IGLL5: variants seen among roughly 807,000 people sequenced by gnomAD.
IGLL5 encodes the protein immunoglobulin lambda like polypeptide 5.
In IGLL5, 30 loss-of-function variants were observed where a neutral mutation model predicts 20.9. The observed-to-expected ratio is 1.44, with a 90% CI of 1.07 to 1.95. The LOEUF is 1.95. IGLL5 is among the 30% of genes most tolerant of loss of function. The pLI, the probability that IGLL5 is intolerant of heterozygous loss-of-function variation, is 0.00. For missense variants in IGLL5, 475 were observed against 270.7 expected, an observed-to-expected ratio of 1.75 and a Z score of -5.30; for synonymous variants, 203 against 117.3, an observed-to-expected ratio of 1.73 and a Z score of -4.72.
intron 1 of IGLL5, among the ~76,000 whole-genome samples, chr22:22,889,002 G>A (rs561376207): frequency 2.0e-5 from 3 of 151,404 alleles, no homozygotes; most frequent in East Asian, 2.0e-4. Flanking sequence ...TGGGTGACTG[G>A]GAAGGGGAGG....
chr22:22,888,979 G>C, intron 1 of IGLL5, among the ~76,000 whole-genome samples: 1 of 151,444 alleles, frequency 6.6e-6, no homozygotes, highest in East Asian at 2.0e-4. Flanking sequence ...CACAGGATGA[G>C]GCTGGGAGCT....
chr22:22,888,919 C>G (rs2067664335), intron 1 of IGLL5, among the ~76,000 whole-genome samples: 5 of 151,312 alleles, frequency 3.3e-5, no homozygotes, highest in Middle Eastern at 3.7e-3. Context: ...GGGGCACTGG[C>G]TGGTGATGGG....
chr22:22,888,584 A>G (rs2067618642), intron 1 of IGLL5, among the ~76,000 whole-genome samples: 2 of 151,288 alleles, frequency 1.3e-5, no homozygotes, highest in Non-Finnish European at 2.9e-5. Flanking sequence ...GGACATCCAC[A>G]GGGGGTGGTG....
intron 1 of IGLL5, among the ~76,000 whole-genome samples, chr22:22,892,568 C>G (rs1391008348): frequency 6.6e-6 from 1 of 151,036 alleles, no homozygotes; most frequent in East Asian, 2.0e-4. Context: ...TGAAGAGTAA[C>G]TTGCTGAAGT....
chr22:22,888,666 G>A (rs770026416), intron 1 of IGLL5, among the ~76,000 whole-genome samples: 7 of 151,240 alleles, frequency 4.6e-5, no homozygotes, highest in South Asian at 2.1e-4. Context: ...CTCCTGCCCA[G>A]TGAGGGCAGG....
intron 2 of IGLL5, among the ~76,000 whole-genome samples, chr22:22,894,194 TGG>T: frequency 6.6e-6 from 1 of 151,456 alleles, no homozygotes; most frequent in East Asian, 2.0e-4. Flanking sequence ...GGGGTGGGCC[TGG>T]GAGCTGCTGA....
chr22:22,894,378 T>TGTGCTGGGTCATGGG, intron 2 of IGLL5, among the ~76,000 whole-genome samples: 1 of 151,432 alleles, frequency 6.6e-6, no homozygotes, highest in Non-Finnish European at 1.5e-5. Flanking sequence ...CTCTGTGGCC[T>TGTGCTGGGTCATGGG]GTGCTGGGTC....
intron 2 of IGLL5, among the ~76,000 whole-genome samples, chr22:22,894,546 A>G (rs569834201): frequency 6.6e-6 from 1 of 151,484 alleles, no homozygotes; most frequent in Non-Finnish European, 1.5e-5. Context: ...CTCTCTGTTC[A>G]CGGATCGGCC....
At chr22:22,888,840 A>T (rs573801604) in intron 1 of IGLL5, among the ~76,000 whole-genome samples, 2 of 151,406 alleles carry the variant, frequency 1.3e-5, no homozygotes, top group Admixed American at 1.3e-4. Flanking sequence ...CCCACGGCCC[A>T]TGTTTGGAGC....
At chr22:22,891,248 C>T (rs1385525412) in intron 1 of IGLL5, among the ~76,000 whole-genome samples, 1 of 150,378 alleles carries the variant, frequency 6.6e-6, no homozygotes, top group Non-Finnish European at 1.5e-5. Flanking sequence ...TCTTTACTTC[C>T]CCTGGAGTTT....
intron 2 of IGLL5, among the ~76,000 whole-genome samples, chr22:22,894,681 T>TG: frequency 6.6e-6 from 1 of 151,258 alleles, no homozygotes; most frequent in African/African-American, 2.4e-5. Flanking sequence ...GGGGTGGGCC[T>TG]GGGGGCTGCT....
chr22:22,893,878 TTTTCTCTCTC>T, intron 2 of IGLL5, 60 bp downstream of exon 2: 1 of 1,190,164 alleles, frequency 8.4e-7, no homozygotes, highest in Non-Finnish European at 1.3e-6. Context: ...GGAAAATCTG[TTTTCTCTCTC>T]TGGGGCTTCC....
chr22:22,895,772 T>TC lies in IGLL5; in HGVS notation c.*79dup. 7.4e-7 allele frequency: 1 copy of TC among 1,348,622 alleles called. No homozygotes were observed. The highest frequency in any genetic ancestry group is 1.4e-5 in the African/African-American group (1 of 69,612). 83.5% of individuals were successfully genotyped at this position (1,348,622 alleles called of 1,614,324 possible). ...GAGGGGTCTCTCTCCCCATCCCAAG[T>TC]CATCCAGCCCTTCTCCCTGCACTCA... On this transcript the variant is annotated 3_prime_UTR_variant, in exon 3 of 3. Coordinates refer to ENST00000526893, the MANE Select transcript of IGLL5 (RefSeq NM_001178126.2).
At chr22:22,892,447 T>C (rs1365630394) in intron 1 of IGLL5, among the ~76,000 whole-genome samples, 4 of 151,018 alleles carry the variant, frequency 2.6e-5, no homozygotes, top group Admixed American at 1.3e-4. Context: ...CTGGGTGTTT[T>C]TCTTTTTCTC....
chr22:22,889,466 A>C (rs117446046), intron 1 of IGLL5, among the ~76,000 whole-genome samples: 1 of 151,386 alleles, frequency 6.6e-6, no homozygotes, highest in South Asian at 2.1e-4. Context: ...GAATAATCAA[A>C]GCTGTAACCA....
At chr22:22,888,553 GA>G (rs2067614736) in intron 1 of IGLL5, among the ~76,000 whole-genome samples, 2 of 151,416 alleles carry the variant, frequency 1.3e-5, no homozygotes, top group Non-Finnish European at 1.5e-5. Flanking sequence ...TCTGGGTAGG[GA>G]AGGAACAGAG....
Position 22,888,212 on chromosome 22 carries a change from A to T in IGLL5, c.159A>T (p.Gly53=), listed in dbSNP as rs545571564. ...CGCAAAGCGGGGACCCAGACCCTGG[A>T]GCCTCAGTTGGAAGCAGCCGATCCA... ...VAPQSGDPDP[G]ASVGSSRSSL... is the part of the protein sequence containing the mutation. The change falls in exon 1 of 3, where the codon GGA becomes GGT. Residue 53 remains glycine, a synonymous_variant. Coordinates refer to ENST00000526893, the MANE Select transcript of IGLL5 (RefSeq NM_001178126.2). 1 of 1,548,466 alleles carries T rather than the reference A, an allele frequency of 6.5e-7. No homozygotes were observed. The highest frequency in any genetic ancestry group is 8.7e-7 in the Non-Finnish European group (1 of 1,146,506).
chr22:22,890,872 A>G (rs6003374), intron 1 of IGLL5, among the ~76,000 whole-genome samples: 3,264 of 151,148 alleles, frequency 0.022, 117 homozygotes, highest in African/African-American at 0.068. Context: ...ATTATTTTTT[A>G]TATTTTTATT....
rs549968174 is a variant in IGLL5, at chr22:22,888,799, C to G, written c.206+540C>G. Among the ~76,000 whole-genome samples the G allele has an allele frequency of 3.3e-5, 5 of 151,336 alleles. 1 individual carries two copies. Among genetic ancestry groups the G allele is most frequent in the Middle Eastern group, 3.7e-3 (1 of 272 alleles). On this transcript the variant is annotated intron_variant, in intron 1 of 2. Transcript: ENST00000526893. The stretch of plus-strand genomic sequence containing the variant: ...AAGGACACAGGGAGGGTGGGATGAA[C>G]CGAGGGGAGCTGTCCAGTCATTGGA...
Sources: gnomAD v4.1 joint callset for allele counts (sites outside exome capture counted in the v4.1 genomes callset) on GRCh38, gnomAD v4.1.1 for gene constraint, MANE v1.5 for transcripts, NCBI Gene and HGNC (gene_info 2026-07-23, HGNC 2026-07-21) for gene names.